ZNF649: variants seen among roughly 807,000 people sequenced by gnomAD.
ZNF649 encodes zinc finger protein 649.
ZNF649 carries 7 observed loss-of-function variants against 14.1 expected under a neutral mutation model. The ratio of observed to expected loss-of-function variants is 0.49; its 90% CI spans 0.28 to 0.93. The LOEUF (loss-of-function observed/expected upper bound fraction) is 0.93. Among genes scored for constraint, ZNF649 ranks in the 40% least tolerant of loss-of-function variants. The pLI is 0.10. For missense variants in ZNF649, 544 were observed against 608.1 expected, an observed-to-expected ratio of 0.89 and a Z score of 1.11; for synonymous variants, 227 against 212.3, an observed-to-expected ratio of 1.07 and a Z score of -0.60.
In ZNF649 at chr19:51,894,861, G is replaced by A. The variant is rs145258037; in HGVS notation, c.238+1611C>T. Among the ~76,000 whole-genome samples the A allele has an allele frequency of 9.7e-3, 1,462 of 151,378 alleles. 14 individuals carry two copies. Among genetic ancestry groups the A allele is most frequent in the Admixed American group, 0.017 (261 of 15,166 alleles). On this transcript the variant is annotated intron_variant, in intron 4 of 4. Coordinates refer to ENST00000354957, the MANE Select transcript of ZNF649 (RefSeq NM_023074.4). ...CCGAGAGAGCTTCATGTAAAGACAC[G>A]CCCAGGCCCCCAACTCAATTCTAAC...
At chr19:51,901,650 A>C (rs1428541284) in intron 1 of ZNF649, among the ~76,000 whole-genome samples, 1 of 147,140 alleles carries the variant, frequency 6.8e-6, no homozygotes, top group African/African-American at 2.7e-5. Flanking sequence ...GTCTCTTAAA[A>C]ATAAAAAAAT....
At chr19:51,903,395 C>T (rs1005298883) in intron 1 of ZNF649, among the ~76,000 whole-genome samples, 1 of 152,140 alleles carries the variant, frequency 6.6e-6, no homozygotes, top group Non-Finnish European at 1.5e-5. Context: ...CTAAGGCCAG[C>T]CAGAAGCCCC....
intron 4 of ZNF649, among the ~76,000 whole-genome samples, chr19:51,894,141 CT>C (rs368688379): frequency 1.5e-4 from 22 of 147,808 alleles, no homozygotes; most frequent in Admixed American, 1.3e-3. Flanking sequence ...TTTTTTTTTT[CT>C]TTTTTTTTGA....
chr19:51,898,115 A>AG (rs59499538), intron 2 of ZNF649, among the ~76,000 whole-genome samples: 1 of 151,354 alleles, frequency 6.6e-6, no homozygotes. Context: ...AAAAAAAAAA[A>AG]CTATGAATCT....
chr19:51,892,904 T>A (rs773968072), intron 4 of ZNF649, among the ~76,000 whole-genome samples: 20 of 152,188 alleles, frequency 1.3e-4, no homozygotes, highest in Non-Finnish European at 2.6e-4. Flanking sequence ...ATGTTCTAAC[T>A]GCCACGAGTG....
intron 4 of ZNF649, among the ~76,000 whole-genome samples, chr19:51,893,337 G>C (rs1244585690): frequency 6.6e-6 from 1 of 151,764 alleles, no homozygotes; most frequent in African/African-American, 2.4e-5. Flanking sequence ...TCACTGAATA[G>C]GTATGCAAAG....
chr19:51,904,879 T>G (rs926778406), intron 1 of ZNF649, 35 bp downstream of exon 1: 1 of 152,398 alleles, frequency 6.6e-6, no homozygotes, highest in Non-Finnish European at 1.5e-5. Context: ...TCCCTACCCC[T>G]TTAACCTACT....
At chr19:51,903,856 G>A (rs1243595631) in intron 1 of ZNF649, among the ~76,000 whole-genome samples, 1 of 152,162 alleles carries the variant, frequency 6.6e-6, no homozygotes, top group South Asian at 2.1e-4. Context: ...AATGCTCAAG[G>A]AGACTGATGC....
Position 51,889,515 on chromosome 19 carries a change from A to G in ZNF649, c.*1103T>C, listed in dbSNP as rs2085001490. ...CTCATTCTGTCTTCACATGGCAAAGAGCAGAGAAAGAGAAAACAAACTCTC... is the reference window on the plus strand; with the variant it reads ...CTCATTCTGTCTTCACATGGCAAAGGGCAGAGAAAGAGAAAACAAACTCTC... On this transcript the variant is annotated 3_prime_UTR_variant, in exon 5 of 5. Coordinates refer to ENST00000354957, the MANE Select transcript of ZNF649 (RefSeq NM_023074.4). The G allele has an allele frequency of 6.6e-6, 1 of 152,228 alleles. No individual in the cohort carries two copies. The highest frequency in any genetic ancestry group is 2.1e-4 in the South Asian group (1 of 4,828). The allele number at this position is 152,228 out of a possible 1,614,324, so 9.4% of individuals were successfully genotyped here.
chr19:51,903,546 C>T (rs180984571), intron 1 of ZNF649, among the ~76,000 whole-genome samples: 5 of 152,294 alleles, frequency 3.3e-5, no homozygotes, highest in East Asian at 1.9e-4. Context: ...TAGCTAGGCG[C>T]GATGGCTCAT....
In ZNF649 at chr19:51,904,937, A is replaced by G. The variant is rs993616761; in HGVS notation, c.-211T>C. ...ACCTGATTTTCTTCTGGCTACACCT[A>G]AATTCCCTGAATGCTTCCTTTCCTG... On this transcript the variant is annotated 5_prime_UTR_variant, in exon 1 of 5. Coordinates refer to ENST00000354957, the MANE Select transcript of ZNF649 (RefSeq NM_023074.4). 2 of 152,390 alleles carry G rather than the reference A, an allele frequency of 1.3e-5. No individual in the cohort carries two copies. The highest frequency in any genetic ancestry group is 2.9e-5 in the Non-Finnish European group (2 of 68,302). The allele number at this position is 152,390 out of a possible 1,614,324, so 9.4% of individuals were successfully genotyped here.
rs1425170779 is a variant in ZNF649, at chr19:51,891,817, G to T, written c.319C>A (p.His107Asn). Residue 107 changes from histidine to asparagine, a missense_variant, in exon 5 of 5, where the codon CAC becomes AAC. By Grantham distance (68) the His-to-Asn change is moderately conservative (BLOSUM62 1). Transcript: ENST00000354957. The surrounding 1 kb of genome is among the most constrained non-coding windows in gnomAD (Gnocchi z 4.2). ...AAATATGATTTCAAAGTTCTTCCGT[G>T]TTCATAGCGTTGTCCCGTCCTCTTC... The part of the protein sequence containing the change: ...ILKRTGQRYE[H>N]GRTLKSYLGL... 4 of 1,612,844 alleles carry T rather than the reference G, an allele frequency of 2.5e-6. No homozygotes were observed. Among genetic ancestry groups the T allele is most frequent in the Non-Finnish European group, 2.5e-6 (3 of 1,179,768 alleles).
chr19:51,903,315 C>T (rs946766721), intron 1 of ZNF649, among the ~76,000 whole-genome samples: 7 of 152,030 alleles, frequency 4.6e-5, no homozygotes, highest in African/African-American at 1.7e-4. Context: ...TTCCCTGTTG[C>T]CAGGCAGAGC....
In ZNF649 at chr19:51,896,483, G is replaced by A; in HGVS notation, c.227C>T (p.Pro76Leu). The A allele has an allele frequency of 6.2e-7, 1 of 1,613,980 alleles. No individual in the cohort carries two copies. Among genetic ancestry groups the A allele is most frequent in the Non-Finnish European group, 8.5e-7 (1 of 1,179,946 alleles). ...LWTLEDEIHS[P>L]AHPEIEKADD... ...TCTCTCTCACTTACCTGGGTGGGCTGGACTGTGGATTTCATCTTCTAGTGT... is the reference window on the plus strand; with the variant it reads ...TCTCTCTCACTTACCTGGGTGGGCTAGACTGTGGATTTCATCTTCTAGTGT... The change falls in exon 4 of 5, where the codon CCA (proline) becomes CTA (leucine). Residue 76 changes from proline (P) to leucine (L), a missense_variant. By Grantham distance (98) the Pro-to-Leu change is moderately conservative (BLOSUM62 -3). Transcript: ENST00000354957.
In ZNF649 at chr19:51,890,767, G is replaced by A. The variant is rs111793061; in HGVS notation, c.1369C>T (p.Arg457Trp). ...TTTTCCACCTTCACTGAATCCCCCCGTTTCTCCCTTGAGTGTATTCTCTTA... is the reference window on the plus strand; with the variant it reads ...TTTTCCACCTTCACTGAATCCCCCCATTTCTCCCTTGAGTGTATTCTCTTA... ...KHKRIHSREK[R>W]GDSVKVENPS... Residue 457 changes from arginine (R) to tryptophan (W), a missense_variant, in exon 5 of 5, where the codon CGG (arginine) becomes TGG (tryptophan). Transcript: ENST00000354957. 15 of 1,614,152 alleles carry A rather than the reference G, an allele frequency of 9.3e-6. No individual in the cohort carries two copies. The East Asian group carries it at 1.3e-4, about 14-fold the overall frequency.
chr19:51,893,880 A>G (rs2085041015), intron 4 of ZNF649, among the ~76,000 whole-genome samples: 1 of 152,274 alleles, frequency 6.6e-6, no homozygotes, highest in South Asian at 2.1e-4. Context: ...TTTTTCTTAG[A>G]ACATCAGCTA....
intron 2 of ZNF649, 165 bp from the exon 3 acceptor site, chr19:51,897,143 T>C: frequency 1.0e-5 from 9 of 898,210 alleles, no homozygotes; most frequent in Non-Finnish European, 1.5e-5. Context: ...AAATTGTGCA[T>C]ACTCATGACC....
Position 51,890,507 on chromosome 19 carries a change from C to A in ZNF649, c.*111G>T, listed in dbSNP as rs902805552. 1.5e-6 allele frequency: 1 copy of A among 667,972 alleles called. No homozygotes were observed. Among genetic ancestry groups the A allele is most frequent in the East Asian group, 2.7e-5 (1 of 36,768 alleles). 41.4% of individuals were successfully genotyped at this position (667,972 alleles called of 1,614,324 possible). A position where few individuals can be genotyped will look rare whatever the true frequency, so the allele number is the denominator to read the frequency against. On this transcript the variant is annotated 3_prime_UTR_variant, in exon 5 of 5. Coordinates refer to ENST00000354957, the MANE Select transcript of ZNF649 (RefSeq NM_023074.4). ...AGATATAAAAAAGTAAAATATATTT[C>A]ATATCTTGTAAACCCTACTATACAT...
intron 4 of ZNF649, among the ~76,000 whole-genome samples, chr19:51,895,751 T>C (rs965539925): frequency 1.3e-5 from 2 of 151,478 alleles, no homozygotes; most frequent in East Asian, 3.9e-4. Context: ...CATATAAATA[T>C]ATAAAGTATA....
Sources: gnomAD v4.1 joint callset for allele counts (sites outside exome capture counted in the v4.1 genomes callset) on GRCh38, gnomAD v4.1.1 for gene constraint, Gnocchi (gnomAD v3.1) non-coding constraint, MANE v1.5 for transcripts, NCBI Gene and HGNC (gene_info 2026-07-23, HGNC 2026-07-21) for gene names.